Variants in SGCG observed in about 807,000 individuals in gnomAD.
SGCG encodes sarcoglycan gamma.
Under a neutral mutation model 29.3 loss-of-function variants are expected in SGCG, and 26 were observed. The ratio of observed to expected loss-of-function variants is 0.89; its 90% confidence interval spans 0.65 to 1.23. SGCG has a LOEUF of 1.23. Among genes scored for constraint, SGCG ranks in the 50% most tolerant of loss-of-function variants. The pLI is 0.00. For synonymous variants in SGCG, 145 were observed against 129.7 expected (o/e 1.12, Z -0.80); for missense variants, 353 against 356.0 (o/e 0.99, Z 0.07).
At chr13:23,319,353 T>C (rs1308535339) in intron 6 of SGCG, among the ~76,000 whole-genome samples, 1 of 151,008 alleles carries the variant, frequency 6.6e-6, no homozygotes, top group Non-Finnish European at 1.5e-5. Context: ...ACCATGCACA[T>C]GGAGCTGTAC....
intron 1 of SGCG, among the ~76,000 whole-genome samples, chr13:23,195,911 A>AAT (rs747376252): frequency 2.6e-5 from 4 of 152,136 alleles, no homozygotes; most frequent in South Asian, 2.1e-4. Flanking sequence ...TTACAAAAGA[A>AAT]ATATATATAT....
intron 1 of SGCG, among the ~76,000 whole-genome samples, chr13:23,195,491 G>T (rs1315647568): frequency 1.3e-5 from 2 of 151,740 alleles, no homozygotes; most frequent in Admixed American, 1.3e-4. Flanking sequence ...TTAAATAAAG[G>T]TTTTTGTTTG....
chr13:23,161,206 C>T, the SGCG span, among the ~76,000 whole-genome samples: 1 of 152,168 alleles, frequency 6.6e-6, no homozygotes, highest in Non-Finnish European at 1.5e-5. Flanking sequence ...CCTCACCACC[C>T]TTATACTCAT....
intron 5 of SGCG, among the ~76,000 whole-genome samples, chr13:23,287,912 G>A (rs749298241): frequency 2.0e-5 from 3 of 151,998 alleles, no homozygotes; most frequent in Non-Finnish European, 4.4e-5. Context: ...ATGTCACCAC[G>A]CCCAGCTAAT....
At chr13:23,162,586 C>G in the SGCG span, among the ~76,000 whole-genome samples, 1 of 151,940 alleles carries the variant, frequency 6.6e-6, no homozygotes, top group South Asian at 2.1e-4. Context: ...AGATCAGGCC[C>G]CTGCACTCCA....
intron 6 of SGCG, among the ~76,000 whole-genome samples, chr13:23,307,744 A>G (rs2025974): frequency 0.033 from 4,971 of 152,276 alleles, 254 homozygotes; most frequent in African/African-American, 0.11. Flanking sequence ...CATGGATTCC[A>G]TAAATTCAAG....
At chr13:23,288,326 G>C (rs9510676) in intron 5 of SGCG, among the ~76,000 whole-genome samples, 65,790 of 151,952 alleles carry the variant, frequency 0.43, 15,091 homozygotes, top group Middle Eastern at 0.65. Flanking sequence ...GCAGCCCATA[G>C]CTCTGGTGAA....
At chr13:23,265,167 C>G (rs1198170165) in intron 4 of SGCG, among the ~76,000 whole-genome samples, 3 of 151,818 alleles carry the variant, frequency 2.0e-5, no homozygotes, top group Admixed American at 2.0e-4. Context: ...AATTATGCAT[C>G]TGACAAAGGA....
At chr13:23,314,272 A>C (rs969499729) in intron 6 of SGCG, among the ~76,000 whole-genome samples, 4 of 148,504 alleles carry the variant, frequency 2.7e-5, no homozygotes, top group Non-Finnish European at 4.4e-5. Flanking sequence ...GAGGGACAGA[A>C]CTAATAAGAT....
At chr13:23,164,983 C>T in the SGCG span, among the ~76,000 whole-genome samples, 1 of 152,192 alleles carries the variant, frequency 6.6e-6, no homozygotes, top group Non-Finnish European at 1.5e-5. Context: ...CCCTCTCCCT[C>T]TCCTGTGGCC....
intron 3 of SGCG, chr13:23,245,675 T>G (rs1879682042): frequency 6.6e-6 from 1 of 152,186 alleles, no homozygotes; most frequent in Non-Finnish European, 1.5e-5. Flanking sequence ...CGCCTTTAAA[T>G]TTTCTGGGTG....
intron 6 of SGCG, among the ~76,000 whole-genome samples, chr13:23,300,809 T>TAAAAAA (rs58050317): frequency 1.6e-5 from 2 of 122,490 alleles, no homozygotes; most frequent in African/African-American, 3.5e-5. Context: ...ACTAGTTTAC[T>TAAAAAA]AAAAAAAAAA....
chr13:23,278,860 T>G (rs1423750311), intron 4 of SGCG, among the ~76,000 whole-genome samples: 1 of 152,194 alleles, frequency 6.6e-6, no homozygotes, highest in East Asian at 1.9e-4. Flanking sequence ...GATGCCTGTT[T>G]TCCCCGTGGG....
intron 4 of SGCG, among the ~76,000 whole-genome samples, chr13:23,253,469 C>T (rs939088254): frequency 1.3e-5 from 2 of 152,318 alleles, no homozygotes; most frequent in East Asian, 3.9e-4. Flanking sequence ...TGACTTCCCA[C>T]AGTTGCAACC....
intron 1 of SGCG, among the ~76,000 whole-genome samples, chr13:23,202,770 A>C (rs1419538149): frequency 1.3e-5 from 2 of 152,252 alleles, no homozygotes; most frequent in East Asian, 3.9e-4. Context: ...GACAACTCCA[A>C]ATCACCCCTA....
intron 6 of SGCG, among the ~76,000 whole-genome samples, chr13:23,319,172 C>T (rs898352916): frequency 6.6e-6 from 1 of 152,000 alleles, no homozygotes; most frequent in Non-Finnish European, 1.5e-5. Flanking sequence ...GTGGCGGGTG[C>T]CTGTAAACCT....
intron 2 of SGCG, among the ~76,000 whole-genome samples, chr13:23,204,564 G>A (rs1415308573): frequency 6.6e-6 from 1 of 152,094 alleles, no homozygotes; most frequent in Admixed American, 6.6e-5. Context: ...ATCTGAAGGT[G>A]TGATATATGC....
chr13:23,165,718 G>C, the SGCG span, among the ~76,000 whole-genome samples: 2 of 151,920 alleles, frequency 1.3e-5, no homozygotes, highest in Admixed American at 6.6e-5. Context: ...GTAGAGACGG[G>C]GTTTCACCAA....
chr13:23,225,870 C>T (rs377497104), intron 2 of SGCG, among the ~76,000 whole-genome samples: 16 of 152,132 alleles, frequency 1.1e-4, no homozygotes, highest in African/African-American at 3.1e-4. Flanking sequence ...ATGGTGAGTT[C>T]AGACAAATTT....
Sources: allele counts gnomAD v4.1 joint callset (sites outside exome capture counted in the v4.1 genomes callset), GRCh38; gene constraint gnomAD v4.1.1; transcripts MANE v1.5; gene names NCBI Gene and HGNC (gene_info 2026-07-23, HGNC 2026-07-21).